Variants in CD44 observed in about 807,000 individuals in gnomAD.
CD44 encodes the protein CD44 antigen.
A neutral mutation model predicts 88.8 loss-of-function variants in CD44; 49 were observed. The ratio of observed to expected loss-of-function variants is 0.55; its 90% CI spans 0.44 to 0.70. The LOEUF is 0.70. Among genes scored for constraint, CD44 ranks in the 30% least tolerant of loss-of-function variants. CD44 has a pLI of 0.00. For missense variants in CD44, 883 were observed against 913.8 expected, an observed-to-expected ratio of 0.97 and a Z score of 0.43; for synonymous variants, 325 against 312.3, an observed-to-expected ratio of 1.04 and a Z score of -0.43.
intron 1 of CD44, among the ~76,000 whole-genome samples, chr11:35,171,302 C>A (rs999632778): frequency 6.6e-6 from 1 of 152,142 alleles, no homozygotes; most frequent in Non-Finnish European, 1.5e-5. Flanking sequence ...GGATAGTTGA[C>A]CAGAAATGAA....
At chr11:35,139,433 G>A in intron 1 of CD44, 63 bp downstream of exon 1, 1 of 1,448,438 alleles carries the variant, frequency 6.9e-7, no homozygotes, top group Non-Finnish European at 9.5e-7. Context: ...GGACCCGGCG[G>A]CAGCCCCTCC....
chr11:35,205,819 C>A (rs1947776246), intron 10 of CD44: 1 of 1,039,754 alleles, frequency 9.6e-7, no homozygotes, highest in African/African-American at 1.7e-5. Context: ...TCAAGAAGTA[C>A]TTCTCCTTCA....
intron 5 of CD44, among the ~76,000 whole-genome samples, chr11:35,192,471 C>A (rs1946356871): frequency 6.6e-6 from 1 of 152,194 alleles, no homozygotes; most frequent in Admixed American, 6.5e-5. Flanking sequence ...GGAGTGATTG[C>A]AAAGCCTCCC....
intron 1 of CD44, among the ~76,000 whole-genome samples, chr11:35,160,290 A>G: frequency 6.6e-6 from 1 of 151,646 alleles, no homozygotes; most frequent in East Asian, 2.0e-4. Context: ...CTCTTAATTG[A>G]AACCACTCTT....
chr11:35,172,919 C>T (rs935170548), intron 1 of CD44, among the ~76,000 whole-genome samples: 1 of 151,988 alleles, frequency 6.6e-6, no homozygotes, highest in South Asian at 2.1e-4. Flanking sequence ...TTTTGGAAGA[C>T]CCGTCATATA....
intron 1 of CD44, among the ~76,000 whole-genome samples, chr11:35,149,230 G>A (rs1054627289): frequency 3.9e-5 from 6 of 152,320 alleles, no homozygotes; most frequent in Non-Finnish European, 4.4e-5. Context: ...AGGAATAAAA[G>A]GGCAGTTGTT....
At chr11:35,183,427 TA>T (rs1338126069) in intron 3 of CD44, among the ~76,000 whole-genome samples, 1 of 151,984 alleles carries the variant, frequency 6.6e-6, no homozygotes, top group African/African-American at 2.4e-5. Context: ...AGTCAGATGA[TA>T]GGGGTATTAA....
At chr11:35,141,050 C>T (rs572561143) in intron 1 of CD44, among the ~76,000 whole-genome samples, 1 of 152,114 alleles carries the variant, frequency 6.6e-6, no homozygotes, top group East Asian at 1.9e-4. Context: ...GTGCTAGCTA[C>T]CATTTACTGT....
chr11:35,186,787 C>A, intron 3 of CD44, 45 bp from the exon 4 acceptor site: 1 of 1,073,318 alleles, frequency 9.3e-7, no homozygotes, highest in South Asian at 1.3e-5. Flanking sequence ...GTAGATTTTC[C>A]TCATGTTTTT....
chr11:35,164,705 A>T (rs1489085298), intron 1 of CD44, among the ~76,000 whole-genome samples: 1 of 152,272 alleles, frequency 6.6e-6, no homozygotes, highest in African/African-American at 2.4e-5. Flanking sequence ...TCCTCTGCAG[A>T]GTGAGCAAGG....
chr11:35,147,050 G>A (rs1429634228), intron 1 of CD44, among the ~76,000 whole-genome samples: 2 of 152,186 alleles, frequency 1.3e-5, no homozygotes, highest in Admixed American at 6.6e-5. Context: ...TGTGAATTGA[G>A]TTGTTTGTTC....
intron 3 of CD44, 152 bp downstream of exon 3, chr11:35,180,559 G>A: frequency 1.3e-6 from 1 of 797,918 alleles, no homozygotes; most frequent in Admixed American, 2.6e-5. Context: ...TGTCTCCATG[G>A]AGCTTACATG....
chr11:35,172,591 T>G (rs1047288347), intron 1 of CD44, among the ~76,000 whole-genome samples: 5 of 152,210 alleles, frequency 3.3e-5, no homozygotes, highest in Admixed American at 2.6e-4. Flanking sequence ...ATCTTGTCCC[T>G]TCTTCAAACA....
intron 10 of CD44, chr11:35,205,668 G>A (rs757483868): frequency 1.5e-4 from 48 of 316,766 alleles, no homozygotes; most frequent in Non-Finnish European, 2.1e-4. Context: ...TGATCACATG[G>A]AAAGCTGTTA....
chr11:35,227,110 C>T (rs1381685901), intron 17 of CD44, among the ~76,000 whole-genome samples: 4 of 152,048 alleles, frequency 2.6e-5, no homozygotes, highest in Non-Finnish European at 4.4e-5. Flanking sequence ...CAGCTGGTCT[C>T]GAACTCCTGA....
At chr11:35,181,742 T>A (rs1945027299) in intron 3 of CD44, among the ~76,000 whole-genome samples, 1 of 131,384 alleles carries the variant, frequency 7.6e-6, no homozygotes, top group African/African-American at 3.0e-5. Context: ...ATATTTATAT[T>A]CATTTATATA....
chr11:35,199,216 G>T (rs1947058726), intron 7 of CD44, among the ~76,000 whole-genome samples: 1 of 151,944 alleles, frequency 6.6e-6, no homozygotes, highest in South Asian at 2.1e-4. Flanking sequence ...AACCACTATT[G>T]GTACATAATA....
At chr11:35,221,498 CAG>C (rs1480259291) in intron 16 of CD44, among the ~76,000 whole-genome samples, 154 bp from the exon 17 acceptor site, 2 of 152,230 alleles carry the variant, frequency 1.3e-5, no homozygotes, top group African/African-American at 4.8e-5. Flanking sequence ...ATTGCTCTTC[CAG>C]AATTACCTGC....
intron 1 of CD44, among the ~76,000 whole-genome samples, chr11:35,148,513 A>G (rs954140009): frequency 6.6e-6 from 1 of 152,252 alleles, no homozygotes; most frequent in Non-Finnish European, 1.5e-5. Context: ...GGTCAGGTAC[A>G]TTCCTGTAGA....
Sources: allele counts gnomAD v4.1 joint callset (sites outside exome capture counted in the v4.1 genomes callset), GRCh38; gene constraint gnomAD v4.1.1; transcripts MANE v1.5; gene names NCBI Gene and HGNC (gene_info 2026-07-23, HGNC 2026-07-21).